The following LINGO2 variants were observed in gnomAD, a reference collection of about 807,000 sequenced individuals.
LINGO2 encodes the protein leucine-rich repeat and immunoglobulin-like domain-containing nogo receptor-interacting protein 2.
A neutral mutation model predicts 30.6 loss-of-function variants in LINGO2; 14 were observed. That is an observed-to-expected ratio of 0.46 (90% CI 0.30 to 0.72). LINGO2 has a LOEUF of 0.72. LINGO2 is among the 30% of genes least tolerant of loss of function. The probability of loss-of-function intolerance (pLI) is 0.07; values close to 1 mark genes in which losing one functional copy is unlikely to be tolerated. For synonymous variants in LINGO2, 317 were observed against 288.5 expected, an observed-to-expected ratio of 1.10 and a Z score of -1.00; for missense variants, 729 against 751.7, an observed-to-expected ratio of 0.97 and a Z score of 0.35.
At chr9:28,867,880 T>C in the LINGO2 span, among the ~76,000 whole-genome samples, 1 of 152,286 alleles carries the variant, frequency 6.6e-6, no homozygotes, top group South Asian at 2.1e-4. Flanking sequence ...AAAGTTTGAA[T>C]TATAAATTTT....
At chr9:28,450,080 A>C (rs796539016) in intron 2 of LINGO2, among the ~76,000 whole-genome samples, 11 of 152,088 alleles carry the variant, frequency 7.2e-5, no homozygotes, top group African/African-American at 2.4e-4. Context: ...TTGTGGATTG[A>C]ATTTCCCGGT....
chr9:29,027,877 T>C, the LINGO2 span, among the ~76,000 whole-genome samples: 1 of 152,186 alleles, frequency 6.6e-6, no homozygotes, highest in Non-Finnish European at 1.5e-5. Context: ...TTATTGGCAA[T>C]TACACAAAGC....
the LINGO2 span, among the ~76,000 whole-genome samples, chr9:28,693,544 C>T: frequency 6.6e-6 from 1 of 152,068 alleles, no homozygotes; most frequent in Non-Finnish European, 1.5e-5. Flanking sequence ...AACAGAAGTA[C>T]AAAGGAAGAC....
At chr9:28,855,394 G>C in the LINGO2 span, among the ~76,000 whole-genome samples, 1 of 151,960 alleles carries the variant, frequency 6.6e-6, no homozygotes, top group African/African-American at 2.4e-5. Flanking sequence ...TTCGTAACCA[G>C]AAGCCATCTG....
intron 4 of LINGO2, among the ~76,000 whole-genome samples, chr9:28,255,238 G>C (rs923035354): frequency 6.6e-6 from 1 of 150,756 alleles, no homozygotes; most frequent in African/African-American, 2.4e-5. Context: ...ATTATTCCTA[G>C]CACACTTAAA....
chr9:28,997,116 A>G, the LINGO2 span, among the ~76,000 whole-genome samples: 1 of 152,098 alleles, frequency 6.6e-6, no homozygotes, highest in African/African-American at 2.4e-5. Flanking sequence ...TTTGTTTGGA[A>G]GTCAAGAGTT....
In LINGO2 at chr9:28,364,867, A is replaced by G. The variant is rs117076844; in HGVS notation, c.-246+7969T>C. On this transcript the variant is annotated intron_variant, in intron 3 of 5. Transcript: ENST00000379992. Reference sequence around the variant, plus strand: ...TAAAAAGGCACACACTATGGCCTATATTCTCATTCATTCACATATTTATTT... The same window carrying G: ...TAAAAAGGCACACACTATGGCCTATGTTCTCATTCATTCACATATTTATTT... Among the ~76,000 whole-genome samples, 12 of 152,336 alleles carry G rather than the reference A, an allele frequency of 7.9e-5. No homozygotes were observed. In the East Asian group the frequency reaches 2.3e-3, roughly 29 times the overall value.
At chr9:28,014,010 A>G (rs1822692139) in intron 4 of LINGO2, among the ~76,000 whole-genome samples, 1 of 152,156 alleles carries the variant, frequency 6.6e-6, no homozygotes, top group Non-Finnish European at 1.5e-5. Context: ...TTTTGCAGTG[A>G]AGTTCTTCAG....
chr9:28,290,882 TACTGGG>T (rs144281672), intron 4 of LINGO2, among the ~76,000 whole-genome samples: 12 of 152,282 alleles, frequency 7.9e-5, no homozygotes, highest in Non-Finnish European at 1.8e-4. Context: ...TCCATGGGAC[TACTGGG>T]TCGGTTTCAA....
the LINGO2 span, among the ~76,000 whole-genome samples, chr9:28,990,396 C>A: frequency 2.6e-5 from 4 of 152,204 alleles, no homozygotes; most frequent in Non-Finnish European, 5.9e-5. Flanking sequence ...GGAGGCCTAC[C>A]TGCCTCTGTA....
the LINGO2 span, among the ~76,000 whole-genome samples, chr9:28,816,761 T>C: frequency 6.6e-6 from 1 of 152,200 alleles, no homozygotes; most frequent in Non-Finnish European, 1.5e-5. Flanking sequence ...ATGAACTAGA[T>C]ATCTGCTTTA....
chr9:28,729,472 A>C, the LINGO2 span, among the ~76,000 whole-genome samples: 1 of 152,240 alleles, frequency 6.6e-6, no homozygotes, highest in Non-Finnish European at 1.5e-5. Context: ...GGAAGTTTTC[A>C]CAACAAACAA....
At chr9:29,091,050 A>C in the LINGO2 span, among the ~76,000 whole-genome samples, 9 of 152,106 alleles carry the variant, frequency 5.9e-5, no homozygotes, top group Non-Finnish European at 8.8e-5. Context: ...TAAGGTAATC[A>C]TGAAAATGAA....
intron 2 of LINGO2, among the ~76,000 whole-genome samples, chr9:28,436,772 A>G (rs1197849571): frequency 2.0e-5 from 3 of 152,128 alleles, no homozygotes; most frequent in African/African-American, 7.2e-5. Context: ...GAGTATTTAT[A>G]AAAGCGTGTC....
intron 3 of LINGO2, among the ~76,000 whole-genome samples, chr9:28,347,421 G>A (rs1397081188): frequency 5.1e-5 from 2 of 39,060 alleles, no homozygotes; most frequent in Non-Finnish European, 9.4e-5. Context: ...AAGTTGACCT[G>A]GCAGAGAGTG....
At chr9:28,916,170 G>A in the LINGO2 span, among the ~76,000 whole-genome samples, 6 of 152,196 alleles carry the variant, frequency 3.9e-5, no homozygotes, top group East Asian at 1.9e-4. Flanking sequence ...CAAAGCAGAC[G>A]CTTTGTTACA....
chr9:28,493,891 G>A (rs964147297), intron 1 of LINGO2, among the ~76,000 whole-genome samples: 34 of 152,048 alleles, frequency 2.2e-4, no homozygotes, highest in African/African-American at 7.2e-4. Flanking sequence ...TCCTGCCATC[G>A]AACATTGGAC....
intron 5 of LINGO2, among the ~76,000 whole-genome samples, chr9:27,996,554 A>G (rs536496994): frequency 6.6e-6 from 1 of 152,166 alleles, no homozygotes; most frequent in African/African-American, 2.4e-5. Context: ...CTCATGTGCA[A>G]ATTATCTCAT....
the LINGO2 span, among the ~76,000 whole-genome samples, chr9:28,999,851 T>G: frequency 6.6e-6 from 1 of 151,964 alleles, no homozygotes; most frequent in Non-Finnish European, 1.5e-5. Flanking sequence ...GGAGCTTTAC[T>G]CTTACTGCTC....
Sources: allele counts gnomAD v4.1 joint callset (sites outside exome capture counted in the v4.1 genomes callset), GRCh38; gene constraint gnomAD v4.1.1; transcripts MANE v1.5; gene names NCBI Gene and HGNC (gene_info 2026-07-23, HGNC 2026-07-21).